Variants in PCDH7 observed in about 807,000 individuals in gnomAD.
The protein encoded by PCDH7 is protocadherin 7, also known as protocadherin-7.
In PCDH7, 17 loss-of-function variants were observed where a neutral mutation model predicts 58.9. The ratio of observed to expected loss-of-function variants is 0.29; its 90% CI spans 0.20 to 0.43. The LOEUF is 0.43. PCDH7 is among the 20% of genes least tolerant of loss of function. The probability of loss-of-function intolerance (pLI) is 1.00; values close to 1 mark genes in which losing one functional copy is unlikely to be tolerated. For missense variants in PCDH7, 1,274 were observed against 1,441.0 expected (o/e 0.88, Z 1.88); for synonymous variants, 664 against 616.4 (o/e 1.08, Z -1.14).
chr4:30,860,873 A>G (rs1329895476), intron 1 of PCDH7, among the ~76,000 whole-genome samples: 2 of 152,076 alleles, frequency 1.3e-5, no homozygotes, highest in African/African-American at 4.8e-5. Flanking sequence ...TTATCTTTGA[A>G]TCTCTAGTAC....
intron 2 of PCDH7, among the ~76,000 whole-genome samples, chr4:30,926,513 G>A (rs57684167): frequency 0.014 from 2,205 of 152,274 alleles, 44 homozygotes; most frequent in African/African-American, 0.05. Flanking sequence ...ATAATACAAT[G>A]GCTTAGTCAT....
chr4:31,030,647 A>G (rs1754828699), intron 3 of PCDH7, among the ~76,000 whole-genome samples: 1 of 152,250 alleles, frequency 6.6e-6, no homozygotes, highest in African/African-American at 2.4e-5. Context: ...ATGGCTTAGC[A>G]GCAGTAACTG....
chr4:30,860,209 G>T (rs1157139610), intron 1 of PCDH7, among the ~76,000 whole-genome samples: 1 of 152,080 alleles, frequency 6.6e-6, no homozygotes, highest in East Asian at 1.9e-4. Flanking sequence ...CTAAGTAATG[G>T]AGCACCAGGT....
intron 3 of PCDH7, among the ~76,000 whole-genome samples, chr4:31,083,358 T>A (rs893540847): frequency 6.6e-6 from 1 of 152,188 alleles, no homozygotes; most frequent in Non-Finnish European, 1.5e-5. Context: ...TCTTGTGATA[T>A]CTTTTTCAAA....
intron 1 of PCDH7, among the ~76,000 whole-genome samples, chr4:30,851,160 G>A (rs1349768159): frequency 6.6e-6 from 1 of 151,924 alleles, no homozygotes; most frequent in Non-Finnish European, 1.5e-5. Context: ...GTGTGTCTGT[G>A]TGTGTGTGTG....
intron 1 of PCDH7, 53 bp downstream of exon 1, chr4:30,724,649 G>A (rs756510322): frequency 6.4e-7 from 1 of 1,564,370 alleles, no homozygotes; most frequent in East Asian, 2.3e-5. Flanking sequence ...TAATAACTCT[G>A]AGACAGATTA....
chr4:31,098,925 C>A (rs1316608293), intron 3 of PCDH7, among the ~76,000 whole-genome samples: 2 of 152,116 alleles, frequency 1.3e-5, no homozygotes, highest in African/African-American at 4.8e-5. Flanking sequence ...AGATGGTCAC[C>A]TTTTTGCTGT....
At chr4:30,974,241 T>TCTTC (rs1749864115) in intron 3 of PCDH7, among the ~76,000 whole-genome samples, 4 of 127,266 alleles carry the variant, frequency 3.1e-5, no homozygotes, top group South Asian at 2.4e-4. Flanking sequence ...TCTTTTTCTT[T>TCTTC]CTTTCTTCCT....
intron 2 of PCDH7, among the ~76,000 whole-genome samples, chr4:30,933,226 C>A (rs866211256): frequency 2.0e-5 from 3 of 152,098 alleles, no homozygotes; most frequent in Non-Finnish European, 4.4e-5. Flanking sequence ...AGGGTTTCAC[C>A]GTGTTAGCCA....
chr4:30,961,389 A>C (rs768282163), intron 3 of PCDH7, among the ~76,000 whole-genome samples: 1 of 42,244 alleles, frequency 2.4e-5, no homozygotes, highest in Non-Finnish European at 4.3e-5. Flanking sequence ...CTAAAAATAC[A>C]AAAAAAAAAA....
chr4:30,819,737 A>C (rs1728135420), intron 1 of PCDH7, among the ~76,000 whole-genome samples: 2 of 152,226 alleles, frequency 1.3e-5, no homozygotes, highest in African/African-American at 4.8e-5. Context: ...GTGGTGAACA[A>C]ATTTCTGTAA....
At chr4:31,055,206 T>C (rs1757053645) in intron 3 of PCDH7, among the ~76,000 whole-genome samples, 1 of 152,206 alleles carries the variant, frequency 6.6e-6, no homozygotes, top group African/African-American at 2.4e-5. Context: ...TGTATTTATA[T>C]AACCTCCTCC....
chr4:31,055,733 T>C (rs1032644734), intron 3 of PCDH7, among the ~76,000 whole-genome samples: 60 of 151,874 alleles, frequency 4.0e-4, no homozygotes, highest in African/African-American at 1.3e-3. Flanking sequence ...CCCACCACCA[T>C]GCCCGGCTAA....
chr4:31,093,000 C>G (rs563873977), intron 3 of PCDH7, among the ~76,000 whole-genome samples: 155 of 152,140 alleles, frequency 1.0e-3, no homozygotes, highest in Admixed American at 2.6e-3. Flanking sequence ...AAAGCTTTGT[C>G]TGAACCAGGC....
intron 3 of PCDH7, among the ~76,000 whole-genome samples, chr4:31,085,134 G>C (rs1305004743): frequency 6.6e-6 from 1 of 151,998 alleles, no homozygotes; most frequent in African/African-American, 2.4e-5. Flanking sequence ...TAACTTGATG[G>C]GTAGGGGAAA....
At chr4:30,736,596 C>T (rs1325565226), downstream of PCDH7, among the ~76,000 whole-genome samples, 1 of 148,712 alleles carries the variant, frequency 6.7e-6, no homozygotes, top group African/African-American at 2.5e-5. Context: ...AGTGTAGTTC[C>T]GCGATCTCGG....
rs1713874218 is a variant in PCDH7 at position 30,722,717 on chromosome 4, T to C, written c.1295T>C (p.Val432Ala). Residue 432 changes from valine (V) to alanine (A), a missense_variant, in exon 1 of 2, where the codon GTG becomes GCG. By Grantham distance (64) the Val-to-Ala change is moderately conservative. Transcript: ENST00000361762. The surrounding 1 kb of genome is among the most constrained non-coding windows in gnomAD (Gnocchi z 7.6). ...CCCCTCAAGGACGGGGTGGCCAACGTGGCCGAGGACGTTCTGGTCGACACC... is the reference window on the plus strand; with the variant it reads ...CCCCTCAAGGACGGGGTGGCCAACGCGGCCGAGGACGTTCTGGTCGACACC... 6.2e-7 allele frequency: 1 copy of C among 1,613,520 alleles called. No homozygotes were observed. Among genetic ancestry groups the C allele is most frequent in the Non-Finnish European group, 8.5e-7 (1 of 1,180,014 alleles).
chr4:31,086,954 T>C (rs994614238), intron 3 of PCDH7, among the ~76,000 whole-genome samples: 5 of 152,172 alleles, frequency 3.3e-5, no homozygotes, highest in Non-Finnish European at 5.9e-5. Flanking sequence ...TATGAAATTC[T>C]TGGATCAAGA....
chr4:31,134,020 A>G (rs1418858485), intron 3 of PCDH7, among the ~76,000 whole-genome samples: 1 of 152,136 alleles, frequency 6.6e-6, no homozygotes. Context: ...CCTGTAATTA[A>G]AGGACCAGAA....
Sources: allele counts gnomAD v4.1 joint callset (sites outside exome capture counted in the v4.1 genomes callset), GRCh38; gene constraint gnomAD v4.1.1; non-coding constraint Gnocchi (gnomAD v3.1); transcripts MANE v1.5; gene names NCBI Gene and HGNC (gene_info 2026-07-23, HGNC 2026-07-21).